The following LDLRAD3 variants were observed in gnomAD, a reference collection of about 807,000 sequenced individuals.
The protein encoded by LDLRAD3 is low-density lipoprotein receptor class A domain-containing protein 3.
In LDLRAD3, 20 loss-of-function variants were observed where a neutral mutation model predicts 29.4. The observed-to-expected ratio is 0.68, with a 90% CI of 0.48 to 0.99. The LOEUF (loss-of-function observed/expected upper bound fraction) is 0.99, where lower values mean the gene tolerates loss of function less well. Among genes scored for constraint, LDLRAD3 ranks in the 50% least tolerant of loss-of-function variants. The pLI, the probability that LDLRAD3 is intolerant of heterozygous loss-of-function variation, is 0.00. For missense variants in LDLRAD3, 420 were observed against 454.3 expected, an observed-to-expected ratio of 0.92 and a Z score of 0.69; for synonymous variants, 157 against 192.7, an observed-to-expected ratio of 0.81 and a Z score of 1.53.
intron 4 of LDLRAD3, among the ~76,000 whole-genome samples, chr11:36,162,369 T>G (rs79046581): frequency 0.057 from 8,656 of 152,286 alleles, 329 homozygotes; most frequent in Middle Eastern, 0.12. Flanking sequence ...AAGATCGCAT[T>G]ATTAAGATGG....
intron 3 of LDLRAD3, among the ~76,000 whole-genome samples, chr11:36,092,651 C>T (rs1853301024): frequency 6.6e-6 from 1 of 152,178 alleles, no homozygotes; most frequent in Non-Finnish European, 1.5e-5. Flanking sequence ...CTCTGGCTGT[C>T]AGCTTTTATT....
chr11:36,120,334 G>C (rs1853737429), intron 4 of LDLRAD3, among the ~76,000 whole-genome samples: 1 of 152,106 alleles, frequency 6.6e-6, no homozygotes, highest in Non-Finnish European at 1.5e-5. Flanking sequence ...CAGAGAACCA[G>C]TGCCAATCTC....
At chr11:36,073,636 T>A (rs1427470747) in intron 2 of LDLRAD3, among the ~76,000 whole-genome samples, 1 of 152,256 alleles carries the variant, frequency 6.6e-6, no homozygotes, top group Admixed American at 6.5e-5. Flanking sequence ...TGATCTGCTT[T>A]GCAGGCATGT....
chr11:36,112,984 T>TC (rs1853625643), intron 4 of LDLRAD3, among the ~76,000 whole-genome samples: 1 of 152,148 alleles, frequency 6.6e-6, no homozygotes, highest in Non-Finnish European at 1.5e-5. Context: ...TGTCAGTCAG[T>TC]CATACATGGA....
intron 4 of LDLRAD3, among the ~76,000 whole-genome samples, chr11:36,172,296 TC>T (rs1395265024): frequency 1.3e-5 from 2 of 152,168 alleles, no homozygotes; most frequent in Non-Finnish European, 2.9e-5. Context: ...TTTGACCTCC[TC>T]TTTGACAATT....
chr11:36,049,106 G>C (rs886278295), intron 2 of LDLRAD3, among the ~76,000 whole-genome samples: 1 of 152,132 alleles, frequency 6.6e-6, no homozygotes, highest in East Asian at 1.9e-4. Context: ...TGTCATTCCA[G>C]CATGCTCTCA....
intron 4 of LDLRAD3, among the ~76,000 whole-genome samples, chr11:36,173,940 A>T (rs1854634915): frequency 6.6e-6 from 1 of 152,254 alleles, no homozygotes; most frequent in African/African-American, 2.4e-5. Context: ...AGCTGGAGGC[A>T]TCATGCTGCC....
intron 3 of LDLRAD3, among the ~76,000 whole-genome samples, chr11:36,084,111 G>T (rs1037328527): frequency 6.6e-6 from 1 of 151,768 alleles, no homozygotes; most frequent in African/African-American, 2.4e-5. Context: ...TTTTTGTAGA[G>T]ATGACATTTT....
intron 4 of LDLRAD3, among the ~76,000 whole-genome samples, chr11:36,194,855 C>T (rs1055586157): frequency 1.3e-5 from 2 of 152,078 alleles, no homozygotes; most frequent in African/African-American, 2.4e-5. Flanking sequence ...TACAACAATA[C>T]GGTGATACTA....
intron 4 of LDLRAD3, among the ~76,000 whole-genome samples, chr11:36,183,409 G>T (rs1175106234): frequency 6.6e-6 from 1 of 152,130 alleles, no homozygotes; most frequent in African/African-American, 2.4e-5. Context: ...AACCTCTATT[G>T]GATTAAAGTA....
chr11:36,057,988 G>T lies in LDLRAD3; in HGVS notation c.193+21739G>T, dbSNP rs904559. ...GAGGGATGAAGTACCTCATCTCAGT[G>T]GAGCGCCCAGCACTGGGGTTGATGC... On this transcript the variant is annotated intron_variant, in intron 2 of 5. Coordinates refer to ENST00000315571, the MANE Select transcript of LDLRAD3 (RefSeq NM_174902.4). 1.1e-3 allele frequency among the ~76,000 whole-genome samples: 172 copies of T among 152,130 alleles called. 1 individual carries two copies. Among genetic ancestry groups the T allele is most frequent in the African/African-American group, 3.9e-3 (162 of 41,502 alleles).
rs1272870846 is a variant in LDLRAD3, at chr11:36,125,919, AC to A, written c.454+27464del. On this transcript the variant is annotated intron_variant, in intron 4 of 5. Transcript: ENST00000315571. Reference sequence around the variant, plus strand: ...TCAACCTGATCTGCTGCAAAAGGCTACCCCCCTTGGAAGGCAGCTGATAGAG... The same window carrying A: ...TCAACCTGATCTGCTGCAAAAGGCTACCCCCTTGGAAGGCAGCTGATAGAG... Among the ~76,000 whole-genome samples, 3 of 151,534 alleles carry A rather than the reference AC, an allele frequency of 2.0e-5. No individual in the cohort carries two copies. The East Asian group carries it at 5.8e-4, about 29-fold the overall frequency.
intron 3 of LDLRAD3, among the ~76,000 whole-genome samples, chr11:36,093,609 C>T (rs1399137810): frequency 6.6e-6 from 1 of 152,160 alleles, no homozygotes; most frequent in Non-Finnish European, 1.5e-5. Flanking sequence ...CCTGCCCCGC[C>T]CAGGCCTTAC....
chr11:35,958,766 C>T (rs781264181), intron 1 of LDLRAD3, among the ~76,000 whole-genome samples: 4 of 152,170 alleles, frequency 2.6e-5, no homozygotes, highest in African/African-American at 7.2e-5. Flanking sequence ...AAGAGGAAGC[C>T]ACTCTTCCTC....
At chr11:36,006,503 C>T (rs1469526536) in intron 1 of LDLRAD3, among the ~76,000 whole-genome samples, 2 of 152,212 alleles carry the variant, frequency 1.3e-5, no homozygotes, top group East Asian at 1.9e-4. Flanking sequence ...GGTTCACCCT[C>T]CCCGAATCCC....
At chr11:36,110,407 AGT>A (rs1468512788) in intron 4 of LDLRAD3, among the ~76,000 whole-genome samples, 1 of 152,116 alleles carries the variant, frequency 6.6e-6, no homozygotes, top group Non-Finnish European at 1.5e-5. Flanking sequence ...CACCTGGCAG[AGT>A]GTGATTCCTC....
rs975707011 is a variant in LDLRAD3, at chr11:35,971,202, T to TGG, written c.46+27060_46+27061dup. ...CCCCTGCCTACACTACCCTTCCATC[T>TGG]GGGAGAGAGAATAGTAGGCAGGGGT... is the stretch of plus-strand genomic sequence containing the variant. On this transcript the variant is annotated intron_variant, in intron 1 of 5. Coordinates refer to ENST00000315571, the MANE Select transcript of LDLRAD3 (RefSeq NM_174902.4). Among the ~76,000 whole-genome samples the TGG allele has an allele frequency of 3.5e-4, 54 of 152,290 alleles. 1 individual carries two copies. Among genetic ancestry groups the TGG allele is most frequent in the African/African-American group, 1.2e-3 (49 of 41,554 alleles).
At chr11:36,005,785 T>A (rs780269905) in intron 1 of LDLRAD3, among the ~76,000 whole-genome samples, 7 of 152,144 alleles carry the variant, frequency 4.6e-5, no homozygotes, top group Non-Finnish European at 7.4e-5. Context: ...GAAGCATGAC[T>A]AGGAGGCCTC....
chr11:36,183,286 T>G lies in LDLRAD3; in HGVS notation c.455-43799T>G, dbSNP rs116138491. Among the ~76,000 whole-genome samples the G allele has an allele frequency of 8.5e-3, 1,293 of 152,140 alleles. 24 individuals carry two copies. The highest frequency in any genetic ancestry group is 0.03 in the African/African-American group (1,230 of 41,538). ...CCTTAATTTAAGCAAAGGTAATAAA[T>G]TTCAACCTACTCAAAGCAGAACTAG... On this transcript the variant is annotated intron_variant, in intron 4 of 5. Coordinates refer to ENST00000315571, the MANE Select transcript of LDLRAD3 (RefSeq NM_174902.4).
Sources: gnomAD v4.1 joint callset for allele counts (sites outside exome capture counted in the v4.1 genomes callset) on GRCh38, gnomAD v4.1.1 for gene constraint, MANE v1.5 for transcripts, NCBI Gene and HGNC (gene_info 2026-07-23, HGNC 2026-07-21) for gene names.